The following HDAC9 variants were observed in gnomAD, a reference collection of about 807,000 sequenced individuals.
HDAC9 encodes the protein MEF-2 interacting transcription repressor (MITR) protein.
HDAC9 carries 41 observed loss-of-function variants against 139.4 expected under a neutral mutation model. That is an observed-to-expected ratio of 0.29 (90% confidence interval 0.23 to 0.38). The LOEUF (loss-of-function observed/expected upper bound fraction) is 0.38. Ranked by LOEUF, HDAC9 falls within the 10% of genes least tolerant of loss-of-function variation. HDAC9 has a pLI of 1.00. For missense variants in HDAC9, 1,147 were observed against 1,297.0 expected, an observed-to-expected ratio of 0.88 and a Z score of 1.78; for synonymous variants, 517 against 476.2, an observed-to-expected ratio of 1.09 and a Z score of -1.12.
intron 2 of HDAC9, among the ~76,000 whole-genome samples, chr7:18,215,755 G>T (rs1792263143): frequency 6.6e-6 from 1 of 152,094 alleles, no homozygotes. Context: ...CATCTCATGG[G>T]GGTCTTTCTT....
At chr7:18,881,574 CT>C (rs888723057) in intron 22 of HDAC9, among the ~76,000 whole-genome samples, 1 of 151,940 alleles carries the variant, frequency 6.6e-6, no homozygotes, top group African/African-American at 2.4e-5. Flanking sequence ...GACTCTATAC[CT>C]ATCTTAAAAT....
intron 11 of HDAC9, among the ~76,000 whole-genome samples, chr7:18,657,502 A>G (rs182810937): frequency 3.9e-5 from 6 of 152,294 alleles, no homozygotes; most frequent in Admixed American, 2.6e-4. Context: ...GGCAGAAAGT[A>G]TACTGTCACC....
At chr7:18,775,893 G>A (rs1484003470) in intron 16 of HDAC9, among the ~76,000 whole-genome samples, 2 of 151,950 alleles carry the variant, frequency 1.3e-5, no homozygotes, top group Admixed American at 6.6e-5. Context: ...TCTACGAGAT[G>A]GCCTTCTTGT....
At position 18,809,884 on chromosome 7, in the gene HDAC9, A is replaced by G. The variant is rs1014871352; in HGVS notation, c.2322+16432A>G. On this transcript the variant is annotated intron_variant, in intron 17 of 25. Transcript: ENST00000686413. ...AACTTCTGAATATTCATACAGAGGA[A>G]TTGAAATCAGGATCTTCAAGTGTCA... is the stretch of plus-strand genomic sequence containing the variant. Among the ~76,000 whole-genome samples, 5 of 152,144 alleles carry G rather than the reference A, an allele frequency of 3.3e-5. No individual in the cohort carries two copies. In the South Asian group the frequency reaches 6.2e-4, roughly 19 times the overall value.
chr7:18,140,869 G>A (rs1785848312), intron 1 of HDAC9, among the ~76,000 whole-genome samples: 1 of 150,156 alleles, frequency 6.7e-6, no homozygotes, highest in Non-Finnish European at 1.5e-5. Context: ...ATTTAATTTG[G>A]AGGTCACTCA....
intron 24 of HDAC9, among the ~76,000 whole-genome samples, chr7:18,963,709 C>A (rs569882834): frequency 2.0e-5 from 3 of 152,058 alleles, no homozygotes; most frequent in Non-Finnish European, 4.4e-5. Flanking sequence ...AAAAGGAAAC[C>A]ATCTGTTACT....
At chr7:18,214,965 C>G (rs1792195612) in intron 2 of HDAC9, among the ~76,000 whole-genome samples, 1 of 151,992 alleles carries the variant, frequency 6.6e-6, no homozygotes, top group Admixed American at 6.6e-5. Flanking sequence ...AATGGTACTT[C>G]TTGAAAGATA....
intron 6 of HDAC9, among the ~76,000 whole-genome samples, chr7:18,599,266 G>C (rs1273055972): frequency 1.3e-5 from 2 of 151,998 alleles, no homozygotes; most frequent in Non-Finnish European, 2.9e-5. Flanking sequence ...GCATCAATGT[G>C]GTACATTTGT....
chr7:18,586,614 C>T (rs114704085), intron 3 of HDAC9, among the ~76,000 whole-genome samples: 1 of 145,360 alleles, frequency 6.9e-6, no homozygotes, highest in Non-Finnish European at 1.5e-5. Context: ...AAAATGCTAT[C>T]TTCTTCTCTA....
At chr7:18,564,642 A>G (rs1244919725) in intron 2 of HDAC9, among the ~76,000 whole-genome samples, 2 of 152,190 alleles carry the variant, frequency 1.3e-5, no homozygotes, top group Non-Finnish European at 2.9e-5. Context: ...TCTTCCAAGT[A>G]TCTTGTACCA....
At chr7:18,455,010 C>T (rs1360188120) in intron 1 of HDAC9, among the ~76,000 whole-genome samples, 1 of 152,048 alleles carries the variant, frequency 6.6e-6, no homozygotes, top group Non-Finnish European at 1.5e-5. Flanking sequence ...ACATACAGGT[C>T]TCACATAATT....
intron 24 of HDAC9, among the ~76,000 whole-genome samples, chr7:18,960,009 A>AACACACACACACACACACACAC (rs58030908): frequency 1.0e-3 from 155 of 149,024 alleles, no homozygotes; most frequent in African/African-American, 3.4e-3. Context: ...TGTTGTTTTA[A>AACACACACACACACACACACAC]ACACACACAC....
intron 25 of HDAC9, among the ~76,000 whole-genome samples, chr7:18,987,107 G>C (rs1465725879): frequency 6.6e-6 from 1 of 152,232 alleles, no homozygotes; most frequent in Non-Finnish European, 1.5e-5. Flanking sequence ...ACACTATGTT[G>C]AAGAGGAGTG....
At position 18,611,513 on chromosome 7, in the gene HDAC9, C is replaced by T. The variant is rs956280253; in HGVS notation, c.664+17484C>T. Among the ~76,000 whole-genome samples, 38 of 151,958 alleles carry T rather than the reference C, an allele frequency of 2.5e-4. 1 individual carries two copies. Among genetic ancestry groups the T allele is most frequent in the African/African-American group, 8.9e-4 (37 of 41,374 alleles). ...TCACCAGTTTTATAGATGAGAGAAC[C>T]GTCACAGAGAGGTTTACTAACTTTC... On this transcript the variant is annotated intron_variant, in intron 6 of 25. Transcript: ENST00000686413.
chr7:18,707,779 A>G (rs1784041987), intron 12 of HDAC9, among the ~76,000 whole-genome samples: 1 of 152,232 alleles, frequency 6.6e-6, no homozygotes, highest in African/African-American at 2.4e-5. Context: ...AACTTTCTTA[A>G]AAGAAGAAAC....
chr7:18,784,332 C>A (rs951223759), intron 16 of HDAC9, among the ~76,000 whole-genome samples: 3 of 151,976 alleles, frequency 2.0e-5, no homozygotes, highest in Non-Finnish European at 4.4e-5. Flanking sequence ...CCCGCCTCAG[C>A]TTTCTGAGTA....
intron 23 of HDAC9, among the ~76,000 whole-genome samples, chr7:18,951,755 ATAT>A (rs1412703744): frequency 3.3e-5 from 5 of 151,740 alleles, no homozygotes; most frequent in South Asian, 2.1e-4. Flanking sequence ...TGAATATTTA[ATAT>A]TATTTTATTA....
chr7:18,800,297 G>GA (rs1490987171), intron 17 of HDAC9, among the ~76,000 whole-genome samples: 1 of 152,054 alleles, frequency 6.6e-6, no homozygotes, highest in Non-Finnish European at 1.5e-5. Context: ...TATCTGATAG[G>GA]AAAAATTTTT....
intron 1 of HDAC9, among the ~76,000 whole-genome samples, chr7:18,341,289 A>G (rs1004044217): frequency 4.0e-5 from 6 of 150,890 alleles, no homozygotes. Flanking sequence ...GATTCTGTGG[A>G]TTTATATTTT....
Sources: gnomAD v4.1 joint callset for allele counts (sites outside exome capture counted in the v4.1 genomes callset) on GRCh38, gnomAD v4.1.1 for gene constraint, MANE v1.5 for transcripts, NCBI Gene and HGNC (gene_info 2026-07-23, HGNC 2026-07-21) for gene names.